The following CNTN5 variants were observed in gnomAD, a reference collection of about 807,000 sequenced individuals.
CNTN5 encodes contactin-5.
CNTN5 carries 77 observed loss-of-function variants against 129.1 expected under a neutral mutation model. The observed-to-expected ratio is 0.60, with a 90% CI of 0.50 to 0.72. CNTN5 has a LOEUF of 0.72. Among genes scored for constraint, CNTN5 ranks in the 30% least tolerant of loss-of-function variants. CNTN5 has a pLI of 0.00. For missense variants in CNTN5, 1,478 were observed against 1,328.8 expected, an observed-to-expected ratio of 1.11 and a Z score of -1.75; for synonymous variants, 509 against 465.6, an observed-to-expected ratio of 1.09 and a Z score of -1.20.
At chr11:99,841,675 A>G (rs1215879812) in intron 4 of CNTN5, among the ~76,000 whole-genome samples, 1 of 151,442 alleles carries the variant, frequency 6.6e-6, no homozygotes, top group South Asian at 2.1e-4. Flanking sequence ...ATGAAGAAGG[A>G]GGAAGAGAAT....
At chr11:99,708,777 CTGAAAATCCTA>C (rs1954855334) in intron 3 of CNTN5, among the ~76,000 whole-genome samples, 1 of 151,702 alleles carries the variant, frequency 6.6e-6, no homozygotes, top group African/African-American at 2.4e-5. Flanking sequence ...CTCAATGGGG[CTGAAAATCCTA>C]GAGTCATTTT....
intron 2 of CNTN5, among the ~76,000 whole-genome samples, chr11:99,541,956 C>CAAAAAA (rs56363127): frequency 9.3e-4 from 64 of 68,778 alleles, no homozygotes; most frequent in African/African-American, 2.2e-3. Context: ...GATCTTGTCT[C>CAAAAAA]AAAAAAAAAA....
intron 6 of CNTN5, among the ~76,000 whole-genome samples, chr11:99,890,971 G>A (rs1395257074): frequency 1.3e-5 from 2 of 151,984 alleles, no homozygotes; most frequent in Non-Finnish European, 2.9e-5. Flanking sequence ...GGGACATTTT[G>A]CAAAATAACT....
intron 3 of CNTN5, among the ~76,000 whole-genome samples, chr11:99,558,776 A>G (rs1426899214): frequency 6.6e-6 from 1 of 152,080 alleles, no homozygotes; most frequent in Non-Finnish European, 1.5e-5. Flanking sequence ...TTCAAATGTT[A>G]TAGGCAAAGC....
chr11:100,253,147 TC>T (rs77109299), intron 16 of CNTN5, among the ~76,000 whole-genome samples: 27,593 of 152,140 alleles, frequency 0.18, 3,611 homozygotes, highest in East Asian at 0.61. Flanking sequence ...CTGTATGTGT[TC>T]CCTAACACAT....
chr11:99,257,215 A>G (rs1182795837), intron 1 of CNTN5, among the ~76,000 whole-genome samples: 3 of 152,150 alleles, frequency 2.0e-5, no homozygotes. Context: ...TTTGCAGAGC[A>G]TCTTCACAAA....
chr11:99,632,831 ATATATT>A (rs1951412277), intron 3 of CNTN5, among the ~76,000 whole-genome samples: 1 of 152,080 alleles, frequency 6.6e-6, no homozygotes, highest in African/African-American at 2.4e-5. Context: ...TTCAGTTTCC[ATATATT>A]CAGAAGAGTT....
At chr11:99,487,715 T>A (rs1412113635) in intron 2 of CNTN5, among the ~76,000 whole-genome samples, 1 of 152,164 alleles carries the variant, frequency 6.6e-6, no homozygotes, top group Admixed American at 6.5e-5. Flanking sequence ...ATCAAGAATG[T>A]CTTAATTTCT....
intron 1 of CNTN5, among the ~76,000 whole-genome samples, chr11:99,170,185 A>G (rs894382005): frequency 2.6e-5 from 4 of 152,140 alleles, no homozygotes; most frequent in Admixed American, 2.0e-4. Context: ...GATAATATAT[A>G]TGGAACCAAG....
chr11:99,755,339 C>G (rs1311562624), intron 3 of CNTN5, among the ~76,000 whole-genome samples: 1 of 152,172 alleles, frequency 6.6e-6, no homozygotes, highest in Non-Finnish European at 1.5e-5. Context: ...GCACTCCTGT[C>G]AGCAACGAAT....
intron 6 of CNTN5, among the ~76,000 whole-genome samples, chr11:99,884,846 A>C (rs1233165125): frequency 6.6e-6 from 1 of 152,128 alleles, no homozygotes; most frequent in African/African-American, 2.4e-5. Flanking sequence ...GTGTGATGGC[A>C]TGTGCTTGTA....
intron 3 of CNTN5, among the ~76,000 whole-genome samples, chr11:99,579,315 T>G (rs941629907): frequency 6.6e-6 from 1 of 150,846 alleles, no homozygotes; most frequent in Non-Finnish European, 1.5e-5. Flanking sequence ...CGATGTGGGC[T>G]CTTTTTTGGT....
intron 2 of CNTN5, among the ~76,000 whole-genome samples, chr11:99,501,812 A>G (rs1394409533): frequency 6.6e-6 from 1 of 152,226 alleles, no homozygotes; most frequent in African/African-American, 2.4e-5. Flanking sequence ...TGTCATTCAC[A>G]TTCTCCAAGA....
intron 13 of CNTN5, among the ~76,000 whole-genome samples, chr11:100,106,632 GA>G (rs977363588): frequency 6.6e-6 from 1 of 151,710 alleles, no homozygotes; most frequent in South Asian, 2.1e-4. Context: ...TTATATAAAT[GA>G]AAAAAATAGG....
chr11:99,183,518 T>C (rs1858188362), intron 1 of CNTN5, among the ~76,000 whole-genome samples: 1 of 152,110 alleles, frequency 6.6e-6, no homozygotes, highest in Non-Finnish European at 1.5e-5. Context: ...CTTAAAATTA[T>C]CTCCTTTCTT....
At chr11:100,355,699 A>G (rs954082469) in intron 24 of CNTN5, among the ~76,000 whole-genome samples, 1 of 151,722 alleles carries the variant, frequency 6.6e-6, no homozygotes, top group Admixed American at 6.6e-5. Flanking sequence ...ACCATCAGAT[A>G]TGTAGTCCAT....
Position 99,963,214 on chromosome 11 carries a change from T to C in CNTN5, c.877+6205T>C, listed in dbSNP as rs571181174. Among the ~76,000 whole-genome samples, 189 of 152,330 alleles carry C rather than the reference T, an allele frequency of 1.2e-3. 1 individual carries two copies. The highest frequency in any genetic ancestry group is 5.4e-3 in the South Asian group (26 of 4,830). On this transcript the variant is annotated intron_variant, in intron 8 of 24. Transcript: ENST00000524871. ...TTTGTTGCCATTGCTTTTGGTGTTT[T>C]AGACATGAAGTCCTTGCCCATGCCT...
At chr11:99,443,057 A>C (rs979182858) in intron 2 of CNTN5, among the ~76,000 whole-genome samples, 1 of 152,260 alleles carries the variant, frequency 6.6e-6, no homozygotes, top group Non-Finnish European at 1.5e-5. Flanking sequence ...AAGTGATAAA[A>C]TAATTCACAA....
At chr11:99,881,917 A>G (rs1450023734) in intron 6 of CNTN5, among the ~76,000 whole-genome samples, 1 of 152,220 alleles carries the variant, frequency 6.6e-6, no homozygotes, top group Non-Finnish European at 1.5e-5. Flanking sequence ...ATCACAGTAG[A>G]TCACAGTCTT....
Sources: allele counts gnomAD v4.1 joint callset (sites outside exome capture counted in the v4.1 genomes callset), GRCh38; gene constraint gnomAD v4.1.1; transcripts MANE v1.5; gene names NCBI Gene and HGNC (gene_info 2026-07-23, HGNC 2026-07-21).